The following CAMK1D variants were observed in gnomAD, a reference collection of about 807,000 sequenced individuals.
The protein encoded by CAMK1D is calcium/calmodulin dependent protein kinase ID, also known as calcium/calmodulin-dependent protein kinase type 1D.
In CAMK1D, 9 loss-of-function variants were observed where a neutral mutation model predicts 47.7. That is an observed-to-expected ratio of 0.19 (90% CI 0.11 to 0.33). The LOEUF (loss-of-function observed/expected upper bound fraction) is 0.33. Ranked by LOEUF, CAMK1D falls within the 10% of genes least tolerant of loss-of-function variation. The pLI is 1.00. For synonymous variants in CAMK1D, 184 were observed against 184.9 expected (o/e 0.99, Z 0.04); for missense variants, 291 against 488.7 (o/e 0.60, Z 3.81).
chr10:12,743,225 T>TGGC (rs1158812163), intron 3 of CAMK1D, among the ~76,000 whole-genome samples: 2 of 151,666 alleles, frequency 1.3e-5, no homozygotes, highest in Admixed American at 6.6e-5. Context: ...CAGGCACCTG[T>TGGC]AATCTTAGCT....
chr10:12,467,819 T>C (rs1006189858), intron 1 of CAMK1D, among the ~76,000 whole-genome samples: 10 of 152,210 alleles, frequency 6.6e-5, no homozygotes, highest in African/African-American at 2.2e-4. Flanking sequence ...GATTGGTCTT[T>C]GTTCACATGA....
chr10:12,664,751 C>A (rs1840375935), intron 2 of CAMK1D, among the ~76,000 whole-genome samples: 1 of 152,232 alleles, frequency 6.6e-6, no homozygotes, highest in African/African-American at 2.4e-5. Context: ...ACTTAAACTA[C>A]AAAAGTATTC....
At chr10:12,390,741 A>G (rs1838693557) in intron 1 of CAMK1D, among the ~76,000 whole-genome samples, 1 of 152,120 alleles carries the variant, frequency 6.6e-6, no homozygotes, top group Admixed American at 6.6e-5. Context: ...AGGACCCAAG[A>G]GGAAAGGGGA....
intron 1 of CAMK1D, among the ~76,000 whole-genome samples, chr10:12,490,424 G>A (rs1184063387): frequency 6.6e-6 from 1 of 152,266 alleles, no homozygotes; most frequent in East Asian, 1.9e-4. Context: ...ATAGTGATAT[G>A]GGAGAAAGAG....
At chr10:12,358,278 C>T (rs556269804) in intron 1 of CAMK1D, among the ~76,000 whole-genome samples, 29 of 152,290 alleles carry the variant, frequency 1.9e-4, no homozygotes, top group Admixed American at 1.8e-3. Flanking sequence ...TGGCTCATGC[C>T]TGTAATCATA....
chr10:12,464,287 G>A (rs946783811), intron 1 of CAMK1D, among the ~76,000 whole-genome samples: 2 of 152,076 alleles, frequency 1.3e-5, no homozygotes, highest in South Asian at 2.1e-4. Context: ...CCATCAGTTG[G>A]TATTTTTCCT....
intron 3 of CAMK1D, among the ~76,000 whole-genome samples, chr10:12,708,361 G>A (rs954931118): frequency 2.0e-5 from 3 of 152,124 alleles, no homozygotes; most frequent in Non-Finnish European, 2.9e-5. Flanking sequence ...AGGAGAAGAA[G>A]GAAGCGCCGT....
intron 1 of CAMK1D, among the ~76,000 whole-genome samples, chr10:12,448,837 G>A (rs1480399129): frequency 1.3e-5 from 2 of 152,134 alleles, no homozygotes; most frequent in Non-Finnish European, 2.9e-5. Flanking sequence ...TGATCACAGG[G>A]GCACGTACGG....
intron 1 of CAMK1D, among the ~76,000 whole-genome samples, chr10:12,463,604 G>A (rs1470626395): frequency 6.6e-6 from 1 of 151,462 alleles, no homozygotes; most frequent in African/African-American, 2.4e-5. Flanking sequence ...CTATCAGCCA[G>A]TTTTCTCACC....
At chr10:12,711,173 G>A (rs1254459983) in intron 3 of CAMK1D, among the ~76,000 whole-genome samples, 4 of 152,182 alleles carry the variant, frequency 2.6e-5, no homozygotes, top group Non-Finnish European at 5.9e-5. Flanking sequence ...AAGCAAAAGA[G>A]AAAACCGCCT....
chr10:12,406,991 C>G (rs1419201030), intron 1 of CAMK1D, among the ~76,000 whole-genome samples: 1 of 152,154 alleles, frequency 6.6e-6, no homozygotes, highest in African/African-American at 2.4e-5. Flanking sequence ...GGGAAGGCTC[C>G]CTCTGCTGCA....
chr10:12,377,012 C>T lies in CAMK1D; in HGVS notation c.92+27102C>T, dbSNP rs1025133390. On this transcript the variant is annotated intron_variant, in intron 1 of 10. Transcript: ENST00000619168. ...CTGACCTCAAGTGATCCTCCTGCCT[C>T]GGCCTCCCAAAGTGCTGGGATTACA... is the stretch of plus-strand genomic sequence containing the variant. 2.6e-5 allele frequency among the ~76,000 whole-genome samples: 4 copies of T among 152,094 alleles called. No homozygotes were observed. In the South Asian group the frequency reaches 6.2e-4, roughly 24 times the overall value.
intron 1 of CAMK1D, among the ~76,000 whole-genome samples, chr10:12,464,805 A>T (rs1365409780): frequency 1.7e-5 from 2 of 114,916 alleles, no homozygotes; most frequent in Admixed American, 1.8e-4. Flanking sequence ...ACAGAGCGAG[A>T]CTCCATCTTA....
At chr10:12,597,062 C>T (rs771214451) in intron 2 of CAMK1D, among the ~76,000 whole-genome samples, 8 of 152,100 alleles carry the variant, frequency 5.3e-5, no homozygotes, top group Non-Finnish European at 1.0e-4. Context: ...AAGCACCCAT[C>T]AGTGGGGATG....
intron 2 of CAMK1D, among the ~76,000 whole-genome samples, chr10:12,658,278 A>T (rs1840174356): frequency 6.6e-6 from 1 of 152,174 alleles, no homozygotes; most frequent in Non-Finnish European, 1.5e-5. Context: ...TCGTAAGAAG[A>T]CAGGAGAGTG....
At position 12,814,262 on chromosome 10, in the gene CAMK1D, G is replaced by A. The variant is rs1200525794; in HGVS notation, c.709G>A (p.Glu237Lys). Reference sequence around the variant, plus strand: ...GCTCTTTGAGCAGATCCTCAAGGCGGAATATGAGTTTGACTCTCCCTACTG... The same window carrying A: ...GCTCTTTGAGCAGATCCTCAAGGCGAAATATGAGTTTGACTCTCCCTACTG... ...SKLFEQILKA[E>K]YEFDSPYWDD... Residue 237 changes from glutamate (E) to lysine (K), a missense_variant, in exon 7 of 11, where the codon GAA (glutamate) becomes AAA (lysine). Transcript: ENST00000619168. The A allele has an allele frequency of 6.2e-7, 1 of 1,613,894 alleles. No homozygotes were observed. Among genetic ancestry groups the A allele is most frequent in the African/African-American group, 1.3e-5 (1 of 74,916 alleles).
rs1429011951 is a variant in CAMK1D at position 12,368,177 on chromosome 10, C to T, written c.92+18267C>T. On this transcript the variant is annotated intron_variant, in intron 1 of 10. Coordinates refer to ENST00000619168, the MANE Select transcript of CAMK1D (RefSeq NM_153498.4). ...ACTGCAGTCCGCAGTCCGGCCTGGG[C>T]GACAGAGCGAGACTCCGTCTCAAAA... 5.0e-4 allele frequency among the ~76,000 whole-genome samples: 72 copies of T among 144,196 alleles called. No homozygotes were observed. In the Admixed American group the frequency reaches 5.2e-3, roughly 10 times the overall value. The allele number at this position is 144,196 out of a possible 152,430, so 94.6% of individuals were successfully genotyped here.
intron 6 of CAMK1D, 49 bp from the exon 7 acceptor site, chr10:12,814,146 C>T: frequency 8.2e-7 from 1 of 1,223,784 alleles, no homozygotes. Context: ...GTACAGTCAC[C>T]ACACTGGTTA....
intron 1 of CAMK1D, among the ~76,000 whole-genome samples, chr10:12,491,334 A>G (rs1834378102): frequency 6.6e-6 from 1 of 152,214 alleles, no homozygotes; most frequent in African/African-American, 2.4e-5. Flanking sequence ...AGGTTGAACC[A>G]GGTGATAGTG....
Sources: allele counts gnomAD v4.1 joint callset (sites outside exome capture counted in the v4.1 genomes callset), GRCh38; gene constraint gnomAD v4.1.1; transcripts MANE v1.5; gene names NCBI Gene and HGNC (gene_info 2026-07-23, HGNC 2026-07-21).